IFT122: variants seen among roughly 807,000 people sequenced by gnomAD.
The protein encoded by IFT122 is intraflagellar transport protein 122 homolog.
In IFT122, 118 loss-of-function variants were observed where a neutral mutation model predicts 161.6. The ratio of observed to expected loss-of-function variants is 0.73; its 90% confidence interval spans 0.63 to 0.85. The LOEUF (loss-of-function observed/expected upper bound fraction) is 0.85. Ranked by LOEUF, IFT122 falls within the 40% of genes least tolerant of loss-of-function variation. IFT122 has a pLI of 0.00. For missense variants in IFT122, 1,381 were observed against 1,579.6 expected (o/e 0.87, Z 2.13); for synonymous variants, 550 against 602.4 (o/e 0.91, Z 1.27).
At chr3:129,492,729 C>A (rs2108453766) in intron 17 of IFT122, among the ~76,000 whole-genome samples, 1 of 152,126 alleles carries the variant, frequency 6.6e-6, no homozygotes, top group African/African-American at 2.4e-5. Context: ...CCTTGTCATC[C>A]AAACCCAATA....
intron 8 of IFT122, among the ~76,000 whole-genome samples, chr3:129,467,806 C>T (rs1259552852): frequency 6.6e-6 from 1 of 152,208 alleles, no homozygotes; most frequent in Non-Finnish European, 1.5e-5. Context: ...ACCTGAGTTT[C>T]CTTGGAAGAA....
intron 1 of IFT122, among the ~76,000 whole-genome samples, chr3:129,447,676 C>G (rs1320643896): frequency 1.3e-5 from 2 of 152,106 alleles, no homozygotes; most frequent in Non-Finnish European, 2.9e-5. Context: ...CCACACCTGG[C>G]TAATTTTTGT....
intron 4 of IFT122, among the ~76,000 whole-genome samples, chr3:129,459,754 T>G (rs1378074973): frequency 1.5e-5 from 2 of 135,576 alleles, no homozygotes; most frequent in African/African-American, 5.7e-5. Context: ...TCTTCCTTCC[T>G]TCCTTCCTTC....
intron 27 of IFT122, among the ~76,000 whole-genome samples, chr3:129,517,867 G>A (rs533339040): frequency 6.6e-6 from 1 of 152,370 alleles, no homozygotes; most frequent in African/African-American, 2.4e-5. Context: ...AAAGGCACTG[G>A]CTGTGCCTCT....
chr3:129,468,544 A>G (rs1405363295), intron 8 of IFT122, among the ~76,000 whole-genome samples: 1 of 152,174 alleles, frequency 6.6e-6, no homozygotes, highest in Non-Finnish European at 1.5e-5. Flanking sequence ...GGGTTTCCCC[A>G]TGTTGGCCAG....
chr3:129,503,740 A>G (rs2081889130), intron 20 of IFT122, among the ~76,000 whole-genome samples: 1 of 152,160 alleles, frequency 6.6e-6, no homozygotes, highest in South Asian at 2.1e-4. Flanking sequence ...GCTTCTCAAG[A>G]GAAATTTATT....
chr3:129,502,864 G>A lies in IFT122; in HGVS notation c.2529G>A (p.Glu843=). ...DLKSLVQLHV[E]TQRWDEAFAL... The stretch of plus-strand genomic sequence containing the variant: ...AGTCCCTGGTGCAGCTGCACGTGGA[G>A]ACCCAGCGCTGGGATGAGGTGAGGG... The change falls in exon 20 of 30, where the codon GAG becomes GAA. Residue 843 remains glutamate, a synonymous_variant. Coordinates refer to ENST00000348417, the MANE Select transcript of IFT122 (RefSeq NM_052989.3). 6.2e-7 allele frequency: 1 copy of A among 1,611,358 alleles called. No individual in the cohort carries two copies. The highest frequency in any genetic ancestry group is 8.5e-7 in the Non-Finnish European group (1 of 1,180,004).
In IFT122 at chr3:129,498,433, G is replaced by T. The variant is rs563892555; in HGVS notation, c.2209-1469G>T. On this transcript the variant is annotated intron_variant, in intron 18 of 29. Coordinates refer to ENST00000348417, the MANE Select transcript of IFT122 (RefSeq NM_052989.3). The stretch of plus-strand genomic sequence containing the variant: ...CATAGCAGCTGCCAGAAGGAAAGGT[G>T]TGTCTGTAAAGGCCCAAACTAGGCG... Among the ~76,000 whole-genome samples, 6 of 152,346 alleles carry T rather than the reference G, an allele frequency of 3.9e-5. No individual in the cohort carries two copies. In the East Asian group the frequency reaches 1.2e-3, roughly 29 times the overall value.
chr3:129,505,422 G>A (rs1009753472), intron 21 of IFT122, among the ~76,000 whole-genome samples: 2 of 152,240 alleles, frequency 1.3e-5, no homozygotes, highest in Non-Finnish European at 2.9e-5. Flanking sequence ...TTGAAGGTTA[G>A]CGCATTCTCT....
intron 27 of IFT122, 30 bp from the exon 28 acceptor site, chr3:129,519,077 C>G (rs745856685): frequency 6.3e-7 from 1 of 1,598,392 alleles, no homozygotes; most frequent in Non-Finnish European, 8.6e-7. Context: ...ATCTCTGCTT[C>G]TGATTCCATC....
rs1465239771 is a variant in IFT122 at position 129,506,425 on chromosome 3, G to C, written c.2667G>C (p.Gly889=). The change falls in exon 22 of 30, where the codon GGG becomes GGC. Residue 889 remains glycine, a synonymous_variant. Coordinates refer to ENST00000348417, the MANE Select transcript of IFT122 (RefSeq NM_052989.3). ...CTCCTACAGCGTTCCACAAGGCTGG[G>C]CGACAGAGAGAAGCGGTCCAGGTGC... The part of the protein sequence containing the change: ...EEAQKAFHKA[G]RQREAVQVLE... 1.9e-6 allele frequency: 3 copies of C among 1,613,950 alleles called. No individual in the cohort carries two copies.
chr3:129,464,420 A>G (rs1323888079), intron 6 of IFT122, among the ~76,000 whole-genome samples: 1 of 152,164 alleles, frequency 6.6e-6, no homozygotes, highest in African/African-American at 2.4e-5. Context: ...AAGGCACCAA[A>G]TGGTGCCTTC....
At chr3:129,508,748 A>C (rs1462170076) in intron 23 of IFT122, among the ~76,000 whole-genome samples, 2 of 152,172 alleles carry the variant, frequency 1.3e-5, no homozygotes, top group Non-Finnish European at 2.9e-5. Flanking sequence ...TTCCCTGCAA[A>C]AAGTTGTTGA....
rs61557048 is a variant in IFT122 at position 129,454,513 on chromosome 3, T to TTGTGTGTGTGTGTGTGTGTGTG, written c.193+2538_193+2559dup. Among the ~76,000 whole-genome samples the TTGTGTGTGTGTGTGTGTGTGTG allele has an allele frequency of 6.9e-5, 9 of 131,282 alleles. No homozygotes were observed. In the East Asian group the frequency reaches 7.1e-4, roughly 10 times the overall value. 86.1% of individuals were successfully genotyped at this position (131,282 alleles called of 152,430 possible). A position where few individuals can be genotyped will look rare whatever the true frequency, so the allele number is the denominator to read the frequency against. ...GTGTGCTGTACCATGGTAGTCATAT[T>TTGTGTGTGTGTGTGTGTGTGTG]TGTGTGTGTGTGTGTGTGTGTGTGT... On this transcript the variant is annotated intron_variant, in intron 3 of 29. Transcript: ENST00000348417.
chr3:129,448,731 G>A (rs532848074), intron 1 of IFT122, among the ~76,000 whole-genome samples: 30 of 150,510 alleles, frequency 2.0e-4, no homozygotes, highest in Admixed American at 6.0e-4. Context: ...TTCCTCCGTC[G>A]CCCAGACTGG....
intron 9 of IFT122, among the ~76,000 whole-genome samples, chr3:129,470,341 G>T (rs1371958926): frequency 6.6e-6 from 1 of 151,964 alleles, no homozygotes; most frequent in African/African-American, 2.4e-5. Context: ...TTGGCTCACT[G>T]CAAGCTCCGC....
rs766351058 is a variant in IFT122, at chr3:129,507,653, C to T, written c.2792-15C>T. 9.3e-6 allele frequency: 15 copies of T among 1,609,932 alleles called. No individual in the cohort carries two copies. The African/African-American group carries it at 9.4e-5, about 10-fold the overall frequency. On this transcript the variant is annotated splice_polypyrimidine_tract_variant and intron_variant, in intron 22 of 29. Transcript: ENST00000348417. ...TGTTTGACACGTTTCCCCTCCCACC[C>T]GCTGCACACAGCAGATCCTGCCCAG...
rs765551410 is a variant in IFT122 at position 129,495,624 on chromosome 3, C to T, written c.2208+17C>T. On this transcript the variant is annotated intron_variant, in intron 18 of 29. Transcript: ENST00000348417. Reference sequence around the variant, plus strand: ...TATGCCAAGGTAACCTACCCTGTCCCAGGCCCAAGCTCCAGCTTGGAGCCC... The same window carrying T: ...TATGCCAAGGTAACCTACCCTGTCCTAGGCCCAAGCTCCAGCTTGGAGCCC... 1 of 1,614,090 alleles carries T rather than the reference C, an allele frequency of 6.2e-7. No individual in the cohort carries two copies.
Position 129,492,161 on chromosome 3 carries a change from C to G in IFT122, c.2013C>G (p.Asp671Glu), listed in dbSNP as rs202175991. ...CACAGGCCTTCATCAGAGTACAAGACCTCCGATATTTAGAGCTCATCAGCA... is the reference window on the plus strand; with the variant it reads ...CACAGGCCTTCATCAGAGTACAAGAGCTCCGATATTTAGAGCTCATCAGCA... ...TAKKAFIRVQ[D>E]LRYLELISSI... Residue 671 changes from aspartate to glutamate, a missense_variant, in exon 17 of 30, where the codon GAC (aspartate) becomes GAG (glutamate). Transcript: ENST00000348417. The G allele has an allele frequency of 6.2e-7, 1 of 1,612,880 alleles. No homozygotes were observed. Among genetic ancestry groups the G allele is most frequent in the East Asian group, 2.2e-5 (1 of 44,864 alleles).
Sources: gnomAD v4.1 joint callset for allele counts (sites outside exome capture counted in the v4.1 genomes callset) on GRCh38, gnomAD v4.1.1 for gene constraint, MANE v1.5 for transcripts, NCBI Gene and HGNC (gene_info 2026-07-23, HGNC 2026-07-21) for gene names.